KCNT2: variants seen among roughly 807,000 people sequenced by gnomAD.
KCNT2 encodes potassium sodium-activated channel subfamily T member 2, also known as potassium channel subfamily T member 2.
Under a neutral mutation model 153.8 loss-of-function variants are expected in KCNT2, and 67 were observed. The ratio of observed to expected loss-of-function variants is 0.44; its 90% CI spans 0.36 to 0.53. The LOEUF is 0.53. Among genes scored for constraint, KCNT2 ranks in the 20% least tolerant of loss-of-function variants. The pLI is 0.00. For synonymous variants in KCNT2, 500 were observed against 458.8 expected, an observed-to-expected ratio of 1.09 and a Z score of -1.15; for missense variants, 975 against 1,354.8, an observed-to-expected ratio of 0.72 and a Z score of 4.40.
intron 14 of KCNT2, among the ~76,000 whole-genome samples, chr1:196,359,427 G>C (rs574784838): frequency 8.2e-4 from 124 of 152,052 alleles, no homozygotes; most frequent in African/African-American, 2.6e-3. Flanking sequence ...TCTCATGAGA[G>C]AGAGCAGATA....
At chr1:196,297,958 A>T (rs1266685734) in intron 22 of KCNT2, among the ~76,000 whole-genome samples, 1 of 152,178 alleles carries the variant, frequency 6.6e-6, no homozygotes, top group Non-Finnish European at 1.5e-5. Flanking sequence ...CTCAGTAAAT[A>T]TTTATTCACT....
intron 8 of KCNT2, among the ~76,000 whole-genome samples, chr1:196,437,934 A>G (rs1329450460): frequency 1.3e-5 from 2 of 151,516 alleles, no homozygotes; most frequent in Non-Finnish European, 3.0e-5. Context: ...TCTAAAGTGA[A>G]TGATTATGAC....
At chr1:196,419,800 T>C (rs558982505) in intron 12 of KCNT2, among the ~76,000 whole-genome samples, 6 of 152,142 alleles carry the variant, frequency 3.9e-5, no homozygotes, top group Admixed American at 3.9e-4. Context: ...TTTTCTCCTA[T>C]TGTTCCTCTT....
At chr1:196,519,391 G>T (rs1368911011) in intron 1 of KCNT2, among the ~76,000 whole-genome samples, 1 of 151,954 alleles carries the variant, frequency 6.6e-6, no homozygotes, top group Non-Finnish European at 1.5e-5. Flanking sequence ...AAAAACTAGA[G>T]CAGCAAAAGC....
At chr1:196,508,624 C>T (rs955509584) in intron 1 of KCNT2, among the ~76,000 whole-genome samples, 3 of 151,958 alleles carry the variant, frequency 2.0e-5, no homozygotes, top group African/African-American at 4.8e-5. Context: ...AAACATGTAA[C>T]CAAAAGGTGC....
At chr1:196,350,655 C>T (rs1441011322) in intron 14 of KCNT2, among the ~76,000 whole-genome samples, 1 of 152,064 alleles carries the variant, frequency 6.6e-6, no homozygotes, top group African/African-American at 2.4e-5. Flanking sequence ...TTGTAGGTTG[C>T]CTGTTCACTC....
At chr1:196,547,506 A>G (rs746424470) in intron 1 of KCNT2, among the ~76,000 whole-genome samples, 1 of 152,038 alleles carries the variant, frequency 6.6e-6, no homozygotes, top group Non-Finnish European at 1.5e-5. Flanking sequence ...CTTGTAAAGA[A>G]ACATTTACTT....
intron 1 of KCNT2, among the ~76,000 whole-genome samples, chr1:196,522,339 T>C (rs950061412): frequency 3.3e-5 from 5 of 152,192 alleles, no homozygotes; most frequent in African/African-American, 1.2e-4. Context: ...AATACATATG[T>C]GAAAAGTATT....
At chr1:196,459,160 T>C (rs756197996) in intron 8 of KCNT2, among the ~76,000 whole-genome samples, 1 of 151,650 alleles carries the variant, frequency 6.6e-6, no homozygotes, top group Non-Finnish European at 1.5e-5. Flanking sequence ...TCAAAAGAAA[T>C]GTCTCACTCT....
At chr1:196,445,272 G>A (rs1346165633) in intron 8 of KCNT2, among the ~76,000 whole-genome samples, 7 of 151,198 alleles carry the variant, frequency 4.6e-5, no homozygotes, top group African/African-American at 7.3e-5. Context: ...TATGAAATAG[G>A]ACCAAATAAA....
intron 13 of KCNT2, among the ~76,000 whole-genome samples, chr1:196,387,216 C>T (rs1045650680): frequency 2.6e-5 from 4 of 151,846 alleles, no homozygotes; most frequent in Non-Finnish European, 5.9e-5. Context: ...AAAGTTCTTC[C>T]TAATCTTATT....
chr1:196,310,816 T>G (rs1289441547), intron 21 of KCNT2, among the ~76,000 whole-genome samples: 1 of 151,938 alleles, frequency 6.6e-6, no homozygotes, highest in Non-Finnish European at 1.5e-5. Flanking sequence ...CTTTTAAAAT[T>G]TCTTTATTCT....
chr1:196,363,465 A>G (rs1328109095), intron 14 of KCNT2, among the ~76,000 whole-genome samples: 2 of 152,096 alleles, frequency 1.3e-5, no homozygotes, highest in Non-Finnish European at 2.9e-5. Flanking sequence ...AAGTGTTGCT[A>G]GGATTTGAAT....
intron 1 of KCNT2, among the ~76,000 whole-genome samples, chr1:196,523,957 C>T (rs1346446978): frequency 2.0e-5 from 3 of 152,282 alleles, no homozygotes; most frequent in African/African-American, 7.2e-5. Flanking sequence ...TATAGGTTAA[C>T]TTCCTCCTTT....
chr1:196,324,300 G>C (rs1292267707), intron 19 of KCNT2, among the ~76,000 whole-genome samples: 1 of 151,788 alleles, frequency 6.6e-6, no homozygotes, highest in African/African-American at 2.4e-5. Flanking sequence ...GTATGAGCAA[G>C]CAACATGTAT....
At chr1:196,503,403 C>G (rs1355593024) in intron 1 of KCNT2, among the ~76,000 whole-genome samples, 1 of 152,136 alleles carries the variant, frequency 6.6e-6, no homozygotes, top group African/African-American at 2.4e-5. Flanking sequence ...CTACAGGCAC[C>G]TGCAACCCCA....
At chr1:196,229,520 G>A (rs984655230) in intron 27 of KCNT2, among the ~76,000 whole-genome samples, 1 of 152,000 alleles carries the variant, frequency 6.6e-6, no homozygotes, top group Non-Finnish European at 1.5e-5. Flanking sequence ...AAAATGACTT[G>A]TAATTGTTTA....
intron 22 of KCNT2, among the ~76,000 whole-genome samples, chr1:196,304,559 T>G (rs1332748975): frequency 6.6e-6 from 1 of 152,064 alleles, no homozygotes; most frequent in Non-Finnish European, 1.5e-5. Flanking sequence ...TTTTTTTTCC[T>G]TTCACATCTA....
At chr1:196,547,269 C>T (rs1657233005) in intron 1 of KCNT2, among the ~76,000 whole-genome samples, 1 of 151,762 alleles carries the variant, frequency 6.6e-6, no homozygotes, top group South Asian at 2.1e-4. Context: ...AATTATACCC[C>T]TAAATAGGAA....
Sources: gnomAD v4.1 joint callset for allele counts (sites outside exome capture counted in the v4.1 genomes callset) on GRCh38, gnomAD v4.1.1 for gene constraint, MANE v1.5 for transcripts, NCBI Gene and HGNC (gene_info 2026-07-23, HGNC 2026-07-21) for gene names.